Variants in SH3TC2 observed in about 807,000 individuals in gnomAD.
SH3TC2 encodes SH3 domain and tetratricopeptide repeat-containing protein 2.
A neutral mutation model predicts 124.5 loss-of-function variants in SH3TC2; 87 were observed. The ratio of observed to expected loss-of-function variants is 0.70; its 90% CI spans 0.59 to 0.84. The LOEUF (loss-of-function observed/expected upper bound fraction) is 0.84, where lower values mean the gene tolerates loss of function less well. Among genes scored for constraint, SH3TC2 ranks in the 40% least tolerant of loss-of-function variants. SH3TC2 has a pLI of 0.00. For synonymous variants in SH3TC2, 634 were observed against 628.5 expected (o/e 1.01, Z -0.13); for missense variants, 1,536 against 1,566.4 (o/e 0.98, Z 0.33).
At chr5:149,017,594 G>C (rs564689366) in intron 12 of SH3TC2, among the ~76,000 whole-genome samples, 5 of 152,186 alleles carry the variant, frequency 3.3e-5, no homozygotes, top group African/African-American at 1.2e-4. Flanking sequence ...ATTAAAATCA[G>C]TAAAAAGGCA....
Position 149,006,913 on chromosome 5 carries a change from G to C in SH3TC2, c.3643C>G (p.Arg1215Gly), listed in dbSNP as rs267600481. Reference protein sequence around the residue: ...EALYYAKVYYRLGRLTFCQLK... With the variant: ...EALYYAKVYYGLGRLTFCQLK... ...TGGCAGAAGGTGAGTCTGCCCAGGC[G>C]ATAATACACCTTGGCATAGTACAGG... The change falls in exon 16 of 17, where the codon CGC becomes GGC. Residue 1215 changes from arginine to glycine, a missense_variant. By Grantham distance (125) the Arg-to-Gly change is moderately radical (BLOSUM62 -2). This residue lies in a region of SH3TC2 where 426 missense variants were observed against 443.5 expected (regional missense o/e 0.96). Coordinates refer to ENST00000515425, the MANE Select transcript of SH3TC2 (RefSeq NM_024577.4). The C allele has an allele frequency of 6.2e-7, 1 of 1,613,902 alleles. No individual in the cohort carries two copies. Among genetic ancestry groups the C allele is most frequent in the African/African-American group, 1.3e-5 (1 of 74,880 alleles).
chr5:149,029,307 G>A lies in SH3TC2; in HGVS notation c.1136-589C>T, dbSNP rs72835358. ...GGGCGAGGGGCCAGAAGTGAAGGGCGAATAAAAAGGAGCAAGGATGCATCT... is the reference window on the plus strand; with the variant it reads ...GGGCGAGGGGCCAGAAGTGAAGGGCAAATAAAAAGGAGCAAGGATGCATCT... On this transcript the variant is annotated intron_variant, in intron 9 of 16. Transcript: ENST00000515425. 9.3e-3 allele frequency among the ~76,000 whole-genome samples: 1,418 copies of A among 152,320 alleles called. 13 individuals carry two copies. Among genetic ancestry groups the A allele is most frequent in the Non-Finnish European group, 0.011 (764 of 68,032 alleles).
rs1390676818 is a variant in SH3TC2 at position 148,991,610 on chromosome 5, T to C, written c.*13101A>G. Among the ~76,000 whole-genome samples, 2 of 152,182 alleles carry C rather than the reference T, an allele frequency of 1.3e-5. No individual in the cohort carries two copies. The highest frequency in any genetic ancestry group is 2.9e-5 in the Non-Finnish European group (2 of 68,030). ...AGTAACATCAAGTAGTCTCCAGACA[T>C]TGCAGCTGGGTGGTTGAAATGCTTG... On this transcript the variant is annotated 3_prime_UTR_variant, in exon 17 of 17. Transcript: ENST00000515425.
In SH3TC2 at chr5:149,010,253, G is replaced by A; in HGVS notation, c.3327+17C>T. ...GTGCCAGGACCTGTCTCAGCAAACT[G>A]CACAGCTTGGACTTACTCGGTAGTA... On this transcript the variant is annotated intron_variant, in intron 14 of 16. Coordinates refer to ENST00000515425, the MANE Select transcript of SH3TC2 (RefSeq NM_024577.4). 6.2e-7 allele frequency: 1 copy of A among 1,614,092 alleles called. No homozygotes were observed. Among genetic ancestry groups the A allele is most frequent in the Non-Finnish European group, 8.5e-7 (1 of 1,180,022 alleles).
rs1430329037 is a variant in SH3TC2 at position 149,000,462 on chromosome 5, A to G, written c.*4249T>C. 6.6e-6 allele frequency among the ~76,000 whole-genome samples: 1 copy of G among 152,148 alleles called. No individual in the cohort carries two copies. Among genetic ancestry groups the G allele is most frequent in the Non-Finnish European group, 1.5e-5 (1 of 68,010 alleles). On this transcript the variant is annotated 3_prime_UTR_variant, in exon 17 of 17. Transcript: ENST00000515425. ...TAGCTTGAAGTTAATGCATTATTTT[A>G]TTTTCATTGTATTTGCCATTATTTA... is the stretch of plus-strand genomic sequence containing the variant.
intron 8 of SH3TC2, among the ~76,000 whole-genome samples, chr5:149,032,436 G>A (rs1754212953): frequency 2.0e-5 from 3 of 152,136 alleles, no homozygotes; most frequent in Non-Finnish European, 2.9e-5. Flanking sequence ...AAGCTACTGG[G>A]TTGCATCTAT....
At chr5:149,026,390 C>T (rs1005239358) in intron 12 of SH3TC2, 182 bp downstream of exon 12, 3 of 667,666 alleles carry the variant, frequency 4.5e-6, no homozygotes, top group Non-Finnish European at 5.1e-6. Flanking sequence ...AATTAAATAG[C>T]TTGCCCAAGG....
intron 12 of SH3TC2, among the ~76,000 whole-genome samples, chr5:149,019,162 G>A (rs1753927303): frequency 6.6e-6 from 1 of 152,176 alleles, no homozygotes; most frequent in African/African-American, 2.4e-5. Flanking sequence ...TCTTTTGTCA[G>A]ACAGTGAGAA....
At position 148,991,250 on chromosome 5, in the gene SH3TC2, A is replaced by G. The variant is rs1753415562; in HGVS notation, c.*13461T>C. Among the ~76,000 whole-genome samples the G allele has an allele frequency of 6.6e-6, 1 of 152,204 alleles. No homozygotes were observed. Among genetic ancestry groups the G allele is most frequent in the South Asian group, 2.1e-4 (1 of 4,820 alleles). Reference sequence around the variant, plus strand: ...TATACCACATTGGATGTGAGAGTGAATATACTGCAAGAATGTACTTCCTGC... The same window carrying G: ...TATACCACATTGGATGTGAGAGTGAGTATACTGCAAGAATGTACTTCCTGC... On this transcript the variant is annotated 3_prime_UTR_variant, in exon 17 of 17. Transcript: ENST00000515425.
At chr5:149,017,218 C>T (rs866141321) in intron 12 of SH3TC2, among the ~76,000 whole-genome samples, 18 of 152,228 alleles carry the variant, frequency 1.2e-4, no homozygotes, top group Middle Eastern at 3.4e-3. Context: ...ATAGTAAATG[C>T]TCGGTAAATA....
chr5:149,051,746 G>A (rs181856542), intron 2 of SH3TC2, among the ~76,000 whole-genome samples: 10 of 152,252 alleles, frequency 6.6e-5, no homozygotes, highest in Non-Finnish European at 1.0e-4. Context: ...GAGCCATCAC[G>A]TGCAGCCCAT....
At chr5:149,015,469 G>C (rs1753855626) in intron 12 of SH3TC2, among the ~76,000 whole-genome samples, 2 of 152,236 alleles carry the variant, frequency 1.3e-5, no homozygotes, top group South Asian at 4.1e-4. Flanking sequence ...CAAAGCCAAA[G>C]AAGCATGGAG....
Position 149,047,995 on chromosome 5 carries a change from A to T in SH3TC2, c.152-6T>A. ...ACAGAAGGAGAGTGTCAGGTCTTAA[A>T]GAGAACAGAGAGAGAAGGATCAGGC... On this transcript the variant is annotated splice_region_variant and splice_polypyrimidine_tract_variant and intron_variant, in intron 2 of 16. Transcript: ENST00000515425. 1.2e-6 allele frequency: 2 copies of T among 1,614,026 alleles called. No homozygotes were observed. The highest frequency in any genetic ancestry group is 8.5e-7 in the Non-Finnish European group (1 of 1,179,928).
intron 8 of SH3TC2, 88 bp from the exon 9 acceptor site, chr5:149,031,775 G>A: frequency 6.4e-7 from 1 of 1,562,764 alleles, no homozygotes; most frequent in Admixed American, 1.7e-5. Flanking sequence ...TGTAGTGGAG[G>A]ATGCAGAAAA....
chr5:149,008,814 C>A, intron 15 of SH3TC2, 37 bp downstream of exon 15: 6 of 1,613,126 alleles, frequency 3.7e-6, no homozygotes, highest in Non-Finnish European at 5.1e-6. Context: ...CTAATCACCC[C>A]TCTCATTCAA....
intron 6 of SH3TC2, 71 bp downstream of exon 6, chr5:149,041,345 A>AT (rs1432543008): frequency 4.2e-5 from 64 of 1,520,120 alleles, no homozygotes; most frequent in Non-Finnish European, 5.8e-5. Flanking sequence ...ATCTGAAAGC[A>AT]TGCCTACTCT....
chr5:149,035,849 T>G (rs766565807), intron 8 of SH3TC2: 1 of 152,226 alleles, frequency 6.6e-6, no homozygotes, highest in Non-Finnish European at 1.5e-5. Context: ...TCAGTAGTGC[T>G]GACTTACTGT....
chr5:149,056,186 G>A (rs1432533128), intron 1 of SH3TC2, among the ~76,000 whole-genome samples: 1 of 151,928 alleles, frequency 6.6e-6, no homozygotes, highest in Non-Finnish European at 1.5e-5. Context: ...ATGGAGGTTT[G>A]TTATACAGAT....
rs10040598 is a variant in SH3TC2, at chr5:148,986,157, C to A, written c.*18554G>T. On this transcript the variant is annotated 3_prime_UTR_variant, in exon 17 of 17. Transcript: ENST00000515425. ...TAGCCTATTTTACTGCCCGTGTGAA[C>A]TTGGGTATGTTACATAACTGCCTTA... Among the ~76,000 whole-genome samples, 117,337 of 152,142 alleles carry A rather than the reference C, an allele frequency of 0.77. 45,765 individuals carry two copies. Among genetic ancestry groups the A allele is most frequent in the East Asian group, 0.97 (5,056 of 5,194 alleles).
Sources: gnomAD v4.1 joint callset for allele counts (sites outside exome capture counted in the v4.1 genomes callset) on GRCh38, gnomAD v4.1.1 for gene constraint, gnomAD v4.1.1 regional missense constraint, MANE v1.5 for transcripts, NCBI Gene and HGNC (gene_info 2026-07-23, HGNC 2026-07-21) for gene names.